ABCC9: variants seen among roughly 807,000 people sequenced by gnomAD.
ABCC9 encodes ATP binding cassette subfamily C member 9, also known as ATP-binding cassette sub-family C member 9.
A neutral mutation model predicts 188.3 loss-of-function variants in ABCC9; 95 were observed. That is an observed-to-expected ratio of 0.50 (90% CI 0.43 to 0.60). The LOEUF (loss-of-function observed/expected upper bound fraction) is 0.60. Among genes scored for constraint, ABCC9 ranks in the 20% least tolerant of loss-of-function variants. The pLI is 0.00. For synonymous variants in ABCC9, 659 were observed against 652.7 expected (o/e 1.01, Z -0.15); for missense variants, 1,102 against 1,876.3 (o/e 0.59, Z 7.62).
At chr12:21,885,828 C>T (rs372536242) in intron 15 of ABCC9, among the ~76,000 whole-genome samples, 4 of 152,006 alleles carry the variant, frequency 2.6e-5, no homozygotes, top group East Asian at 1.9e-4. Flanking sequence ...CAGAAGGAAA[C>T]GAGTCTAAAT....
chr12:21,811,442 G>A (rs964418191), intron 36 of ABCC9, among the ~76,000 whole-genome samples: 2 of 152,052 alleles, frequency 1.3e-5, no homozygotes, highest in East Asian at 3.9e-4. Flanking sequence ...GTACAAACTT[G>A]GTTTAAGTTA....
intron 18 of ABCC9, among the ~76,000 whole-genome samples, chr12:21,865,116 G>A (rs1450529062): frequency 6.6e-6 from 1 of 151,998 alleles, no homozygotes; most frequent in South Asian, 2.1e-4. Flanking sequence ...TTCTTTTATT[G>A]TTCTAATTTT....
At chr12:21,830,804 G>A (rs539623184) in intron 30 of ABCC9, among the ~76,000 whole-genome samples, 19 of 152,254 alleles carry the variant, frequency 1.2e-4, no homozygotes, top group African/African-American at 4.3e-4. Context: ...ATGCTGCCAT[G>A]CACAGGAGGA....
chr12:21,827,584 A>AG (rs1384893503), intron 31 of ABCC9, among the ~76,000 whole-genome samples: 1 of 151,570 alleles, frequency 6.6e-6, no homozygotes, highest in African/African-American at 2.4e-5. Context: ...ACATATCAAA[A>AG]CAAGGAATTA....
At chr12:21,892,221 G>T (rs1275146883) in intron 14 of ABCC9, among the ~76,000 whole-genome samples, 1 of 152,074 alleles carries the variant, frequency 6.6e-6, no homozygotes, top group African/African-American at 2.4e-5. Flanking sequence ...TATTACCACG[G>T]AATTGTATAC....
Position 21,859,585 on chromosome 12 carries a change from C to T in ABCC9, c.2505+1G>A. The T allele has an allele frequency of 6.2e-7, 1 of 1,613,576 alleles. No homozygotes were observed. Among genetic ancestry groups the T allele is most frequent in the Non-Finnish European group, 8.5e-7 (1 of 1,179,554 alleles). ...AATAAAAGGGAAGGCCATATTCTTA[C>T]CAAAAAGACAATGTTGGTGTTTTGA... is the stretch of plus-strand genomic sequence containing the variant. On this transcript the variant is annotated splice_donor_variant, in intron 22 of 39. Coordinates refer to ENST00000261200, the MANE Select transcript of ABCC9 (RefSeq NM_020297.4). LOFTEE classifies it high-confidence loss of function.
rs542730918 is a variant in ABCC9 at position 21,805,221 on chromosome 12, C to T, written c.4512+777G>A. 56 of 1,613,842 alleles carry T rather than the reference C, an allele frequency of 3.5e-5. No homozygotes were observed. The East Asian group carries it at 6.5e-4, about 19-fold the overall frequency. The stretch of plus-strand genomic sequence containing the variant: ...GTGGAAAAGAGGCCATTCTTGTGGG[C>T]GAGCAAATTTGGGACAGTATCACAC... On this transcript the variant is annotated intron_variant, in intron 39 of 39. Coordinates refer to ENST00000261200, the MANE Select transcript of ABCC9 (RefSeq NM_020297.4).
At chr12:21,828,296 A>G (rs1482244231) in intron 31 of ABCC9, 6 of 154,736 alleles carry the variant, frequency 3.9e-5, no homozygotes, top group Admixed American at 3.2e-4. Flanking sequence ...GGTACAATTC[A>G]TTATTCATTC....
intron 7 of ABCC9, among the ~76,000 whole-genome samples, chr12:21,915,336 TAGAC>T (rs1948520814): frequency 1.4e-5 from 2 of 139,482 alleles, no homozygotes; most frequent in South Asian, 2.3e-4. Flanking sequence ...TGTGTATATA[TAGAC>T]ATGTGTATGT....
chr12:21,845,831 C>T lies in ABCC9; in HGVS notation c.2868G>A (p.Glu956=). ...AKAQMEDEDE[E]EEEEEDEDDN... is the part of the protein sequence containing the mutation. ...CATCCTCATCTTCCTCCTCTTCTTC[C>T]TCTACATACAAAAAACTTTTGTTTA... The change falls in exon 26 of 40, where the codon GAG becomes GAA. Residue 956 remains glutamate (E), a splice_region_variant and synonymous_variant. Transcript: ENST00000261200. 6.2e-7 allele frequency: 1 copy of T among 1,612,512 alleles called. No individual in the cohort carries two copies.
intron 15 of ABCC9, among the ~76,000 whole-genome samples, chr12:21,884,075 C>CTT (rs201201740): frequency 6.8e-6 from 1 of 147,096 alleles, no homozygotes; most frequent in Admixed American, 6.8e-5. Flanking sequence ...AAATAATTAA[C>CTT]TTTTTTTTTT....
At position 21,844,930 on chromosome 12, in the gene ABCC9, A is replaced by T. The variant is rs1057524442; in HGVS notation, c.3097-15T>A. The T allele has an allele frequency of 6.2e-7, 1 of 1,613,338 alleles. No individual in the cohort carries two copies. The highest frequency in any genetic ancestry group is 1.3e-5 in the African/African-American group (1 of 74,898). On this transcript the variant is annotated splice_polypyrimidine_tract_variant and intron_variant, in intron 26 of 39. Coordinates refer to ENST00000261200, the MANE Select transcript of ABCC9 (RefSeq NM_020297.4). ...ACATAGTAGGTCTAAAAAGCAACCA[A>T]CACAAAAAGCACATAGGAAATTATC...
chr12:21,822,040 C>G (rs1188758470), intron 31 of ABCC9, among the ~76,000 whole-genome samples: 1 of 152,022 alleles, frequency 6.6e-6, no homozygotes, highest in Non-Finnish European at 1.5e-5. Context: ...ACCCGGTCTT[C>G]AGCAAAAGAA....
At chr12:21,826,086 T>G (rs1943363018) in intron 31 of ABCC9, among the ~76,000 whole-genome samples, 1 of 152,192 alleles carries the variant, frequency 6.6e-6, no homozygotes, top group East Asian at 1.9e-4. Flanking sequence ...TTATGTCCAA[T>G]GAAGTGACCT....
intron 18 of ABCC9, among the ~76,000 whole-genome samples, chr12:21,866,175 A>G (rs1197400768): frequency 6.6e-6 from 1 of 152,210 alleles, no homozygotes; most frequent in Non-Finnish European, 1.5e-5. Context: ...ATGTAGGTGT[A>G]AATGGCAATG....
intron 12 of ABCC9, among the ~76,000 whole-genome samples, chr12:21,898,905 A>G (rs938966574): frequency 1.3e-5 from 2 of 152,202 alleles, no homozygotes; most frequent in African/African-American, 4.8e-5. Context: ...ATGTGAACGA[A>G]GTTTGGCTTC....
chr12:21,933,196 C>A (rs1213385195), intron 4 of ABCC9, among the ~76,000 whole-genome samples: 2 of 151,690 alleles, frequency 1.3e-5, no homozygotes, highest in African/African-American at 2.4e-5. Context: ...CAGAGGGAAA[C>A]AACACACACT....
Position 21,933,723 on chromosome 12 carries a change from G to A in ABCC9, c.284+59C>T. 3 of 1,587,634 alleles carry A rather than the reference G, an allele frequency of 1.9e-6. No individual in the cohort carries two copies. In the South Asian group the frequency reaches 3.3e-5, roughly 18 times the overall value. On this transcript the variant is annotated intron_variant, in intron 4 of 39. Transcript: ENST00000261200. ...GCACAAGTTACAAAGATGTGAACTTGTGTAATCAATATACCCACTGGTATA... is the reference window on the plus strand; with the variant it reads ...GCACAAGTTACAAAGATGTGAACTTATGTAATCAATATACCCACTGGTATA...
At chr12:21,878,144 C>CACACT (rs1946456024) in intron 16 of ABCC9, among the ~76,000 whole-genome samples, 1 of 151,964 alleles carries the variant, frequency 6.6e-6, no homozygotes, top group African/African-American at 2.4e-5. Flanking sequence ...AAGTGTGAAT[C>CACACT]CAAATTATAT....
Sources: gnomAD v4.1 joint callset for allele counts (sites outside exome capture counted in the v4.1 genomes callset) on GRCh38, gnomAD v4.1.1 for gene constraint, MANE v1.5 for transcripts, NCBI Gene and HGNC (gene_info 2026-07-23, HGNC 2026-07-21) for gene names.